IGF2BP2: variants seen among roughly 807,000 people sequenced by gnomAD.
IGF2BP2 encodes the protein insulin-like growth factor 2 mRNA-binding protein 2.
A neutral mutation model predicts 75.8 loss-of-function variants in IGF2BP2; 17 were observed. That is an observed-to-expected ratio of 0.22 (90% CI 0.15 to 0.34). The LOEUF (loss-of-function observed/expected upper bound fraction) is 0.34, where lower values mean the gene tolerates loss of function less well. Among genes scored for constraint, IGF2BP2 ranks in the 10% least tolerant of loss-of-function variants. The pLI, the probability that IGF2BP2 is intolerant of heterozygous loss-of-function variation, is 1.00. For synonymous variants in IGF2BP2, 288 were observed against 295.6 expected (o/e 0.97, Z 0.26); for missense variants, 516 against 772.4 (o/e 0.67, Z 3.93).
intron 2 of IGF2BP2, among the ~76,000 whole-genome samples, chr3:185,805,199 G>C (rs975261230): frequency 6.6e-6 from 1 of 151,934 alleles, no homozygotes; most frequent in Non-Finnish European, 1.5e-5. Flanking sequence ...GGTTTTACTG[G>C]ATTTCTGAAA....
At position 185,672,638 on chromosome 3, in the gene IGF2BP2, A is replaced by C; in HGVS notation, c.1103T>G (p.Leu368Arg). ...TGTTGAAAAGATGCCAAGTGCGCTG[A>C]GGTTCAACCCTGGGATCAGATTGGC... is the stretch of plus-strand genomic sequence containing the variant. ...QQANLIPGLN[L>R]SALGIFSTGL... Residue 368 changes from leucine (L) to arginine (R), a missense_variant, in exon 10 of 16, where the codon CTC becomes CGC. Around this residue, in one of 3 missense-constraint regions of IGF2BP2, gnomAD observed 312 missense variants for 474.5 expected, o/e 0.66. Coordinates refer to ENST00000382199, the MANE Select transcript of IGF2BP2 (RefSeq NM_006548.6). 6.2e-7 allele frequency: 1 copy of C among 1,614,114 alleles called. No homozygotes were observed. Among genetic ancestry groups the C allele is most frequent in the South Asian group, 1.1e-5 (1 of 91,082 alleles).
At chr3:185,676,868 T>C (rs1299074982) in intron 7 of IGF2BP2, among the ~76,000 whole-genome samples, 6 of 138,354 alleles carry the variant, frequency 4.3e-5, no homozygotes. Flanking sequence ...ATTTACTGGA[T>C]ATATATATAT....
At chr3:185,761,013 G>GA (rs68038755) in intron 2 of IGF2BP2, among the ~76,000 whole-genome samples, 1,155 of 102,696 alleles carry the variant, frequency 0.011, 7 homozygotes, top group Non-Finnish European at 0.021. Context: ...TTTTTTTTGA[G>GA]GGGGGGAACC....
chr3:185,790,287 T>C (rs190925568), intron 2 of IGF2BP2, among the ~76,000 whole-genome samples: 5 of 56,298 alleles, frequency 8.9e-5, no homozygotes, highest in Admixed American at 1.4e-4. Flanking sequence ...AACAAAATGA[T>C]TGGGAAGTGA....
chr3:185,695,664 A>G (rs1039017401), intron 4 of IGF2BP2, among the ~76,000 whole-genome samples: 1 of 152,124 alleles, frequency 6.6e-6, no homozygotes, highest in Non-Finnish European at 1.5e-5. Context: ...TTTAAAAATC[A>G]TAGTATTTCA....
chr3:185,801,501 A>G (rs1738265426), intron 2 of IGF2BP2, among the ~76,000 whole-genome samples: 1 of 151,644 alleles, frequency 6.6e-6, no homozygotes, highest in Admixed American at 6.6e-5. Context: ...AAAAAAAAAA[A>G]AAAAAAAAAG....
chr3:185,647,017 C>T lies in IGF2BP2; in HGVS notation c.1707+8G>A. The T allele has an allele frequency of 6.2e-7, 1 of 1,601,374 alleles. No individual in the cohort carries two copies. Among genetic ancestry groups the T allele is most frequent in the Non-Finnish European group, 8.6e-7 (1 of 1,168,518 alleles). ...TGCAGGAGAGACAGGGCCCTCACAG[C>T]ACAGTACCTGGCTAGCAAAGAAGTG... On this transcript the variant is annotated splice_region_variant and intron_variant, in intron 15 of 15. Transcript: ENST00000382199. The surrounding 1 kb of genome is among the most constrained non-coding windows in gnomAD (Gnocchi z 4.9).
At chr3:185,824,260 G>A (rs1340034635) in intron 1 of IGF2BP2, among the ~76,000 whole-genome samples, 1 of 151,606 alleles carries the variant, frequency 6.6e-6, no homozygotes, top group African/African-American at 2.4e-5. Context: ...GAGGTGGGGA[G>A]GGGGCTCGAA....
chr3:185,768,802 C>T (rs1049381494), intron 2 of IGF2BP2, among the ~76,000 whole-genome samples: 1 of 152,080 alleles, frequency 6.6e-6, no homozygotes, highest in Non-Finnish European at 1.5e-5. Flanking sequence ...GAGGCTGAGG[C>T]GGGTGGATCA....
intron 2 of IGF2BP2, among the ~76,000 whole-genome samples, chr3:185,810,729 G>A (rs1381937974): frequency 2.0e-5 from 3 of 151,192 alleles, no homozygotes; most frequent in Admixed American, 6.6e-5. Context: ...AGCCAAGATC[G>A]TGCCACTGCA....
chr3:185,726,014 G>T (rs1293985037), intron 2 of IGF2BP2, among the ~76,000 whole-genome samples: 1 of 152,132 alleles, frequency 6.6e-6, no homozygotes, highest in Non-Finnish European at 1.5e-5. Context: ...CTGAACACTG[G>T]TGTTGGTTAA....
intron 2 of IGF2BP2, among the ~76,000 whole-genome samples, chr3:185,727,671 T>A (rs1006569690): frequency 6.6e-6 from 1 of 152,162 alleles, no homozygotes; most frequent in Non-Finnish European, 1.5e-5. Flanking sequence ...AAACTAAAAA[T>A]GCAATCATGA....
At chr3:185,801,695 T>C (rs889231642) in intron 2 of IGF2BP2, among the ~76,000 whole-genome samples, 2 of 152,092 alleles carry the variant, frequency 1.3e-5, no homozygotes, top group Non-Finnish European at 2.9e-5. Context: ...TTATAAATCA[T>C]GCTACTATAA....
At chr3:185,745,409 C>T (rs181041484) in intron 2 of IGF2BP2, among the ~76,000 whole-genome samples, 10 of 152,204 alleles carry the variant, frequency 6.6e-5, no homozygotes, top group East Asian at 5.8e-4. Flanking sequence ...TTGCAGGGTT[C>T]GAGGTTAGTA....
rs1189116961 is a variant in IGF2BP2 at position 185,649,487 on chromosome 3, G to A, written c.1509C>T (p.Asn503=). Residue 503 remains asparagine (N), a synonymous_variant, in exon 14 of 16, where the codon AAC becomes AAT. Transcript: ENST00000382199. ...CTTCCAGCTTCACTTCTTCTTTGGG[G>A]TTAAAGAAGTTTTCCTCTTTCAGTT... ...FGKLKEENFF[N]PKEEVKLEAH... is the part of the protein sequence containing the mutation. 3 of 1,614,100 alleles carry A rather than the reference G, an allele frequency of 1.9e-6. No individual in the cohort carries two copies. Among genetic ancestry groups the A allele is most frequent in the Admixed American group, 1.7e-5 (1 of 60,014 alleles).
chr3:185,694,902 C>G (rs1258463861), intron 4 of IGF2BP2, among the ~76,000 whole-genome samples: 1 of 152,258 alleles, frequency 6.6e-6, no homozygotes, highest in African/African-American at 2.4e-5. Flanking sequence ...GCCTGGCCAA[C>G]ACGGTGAAAC....
intron 2 of IGF2BP2, among the ~76,000 whole-genome samples, chr3:185,747,068 T>C (rs904142468): frequency 5.9e-5 from 9 of 152,208 alleles, no homozygotes; most frequent in African/African-American, 9.6e-5. Flanking sequence ...AAACGAACAA[T>C]TTCCAAGTCA....
At chr3:185,799,349 T>C (rs1737870907) in intron 2 of IGF2BP2, among the ~76,000 whole-genome samples, 1 of 152,000 alleles carries the variant, frequency 6.6e-6, no homozygotes, top group Admixed American at 6.5e-5. Flanking sequence ...AGTGAGCAGC[T>C]CCACTGCACC....
Position 185,706,908 on chromosome 3 carries a change from A to G in IGF2BP2, c.240-8561T>C, listed in dbSNP as rs929295594. 2.0e-5 allele frequency among the ~76,000 whole-genome samples: 3 copies of G among 151,502 alleles called. No individual in the cohort carries two copies. In the East Asian group the frequency reaches 5.8e-4, roughly 29 times the overall value. ...GGAGCGCACCACCACGCCTGGCTAT[A>G]TTTTTATATTTTTATTAGAGACAGG... is the stretch of plus-strand genomic sequence containing the variant. On this transcript the variant is annotated intron_variant, in intron 2 of 15. Coordinates refer to ENST00000382199, the MANE Select transcript of IGF2BP2 (RefSeq NM_006548.6).
Sources: allele counts gnomAD v4.1 joint callset (sites outside exome capture counted in the v4.1 genomes callset), GRCh38; gene constraint gnomAD v4.1.1; regional missense constraint gnomAD v4.1.1; non-coding constraint Gnocchi (gnomAD v3.1); transcripts MANE v1.5; gene names NCBI Gene and HGNC (gene_info 2026-07-23, HGNC 2026-07-21).